Variants in EXOC4 observed in about 807,000 individuals in gnomAD.
The protein encoded by EXOC4 is SEC8-like 1.
Under a neutral mutation model 107.2 loss-of-function variants are expected in EXOC4, and 71 were observed. The ratio of observed to expected loss-of-function variants is 0.66; its 90% CI spans 0.55 to 0.81. The LOEUF is 0.81. Among genes scored for constraint, EXOC4 ranks in the 30% least tolerant of loss-of-function variants. The pLI is 0.00. For missense variants in EXOC4, 1,108 were observed against 1,189.6 expected (o/e 0.93, Z 1.01); for synonymous variants, 456 against 441.2 (o/e 1.03, Z -0.42).
At chr7:133,364,220 C>T (rs1340492877) in intron 6 of EXOC4, among the ~76,000 whole-genome samples, 1 of 151,872 alleles carries the variant, frequency 6.6e-6, no homozygotes, top group Non-Finnish European at 1.5e-5. Context: ...CCTTGACCCC[C>T]CCTGGGCTCA....
intron 11 of EXOC4, among the ~76,000 whole-genome samples, chr7:133,820,933 A>G (rs1797506492): frequency 1.3e-5 from 2 of 152,212 alleles, no homozygotes; most frequent in African/African-American, 2.4e-5. Flanking sequence ...ATGGGTGCCA[A>G]CATGTGTTCT....
intron 8 of EXOC4, among the ~76,000 whole-genome samples, chr7:133,477,673 G>A (rs1799050555): frequency 6.6e-6 from 1 of 152,198 alleles, no homozygotes; most frequent in Non-Finnish European, 1.5e-5. Flanking sequence ...ATACCTGGGA[G>A]CAACATTACT....
intron 11 of EXOC4, among the ~76,000 whole-genome samples, chr7:133,826,404 A>G (rs921375318): frequency 6.6e-6 from 1 of 152,212 alleles, no homozygotes; most frequent in African/African-American, 2.4e-5. Context: ...TATAAAACAT[A>G]GATTTGGTCT....
chr7:133,445,547 G>A (rs1309284606), intron 7 of EXOC4, among the ~76,000 whole-genome samples: 2 of 152,080 alleles, frequency 1.3e-5, no homozygotes, highest in Non-Finnish European at 2.9e-5. Flanking sequence ...TTCATCTTGG[G>A]AAGTTACAAA....
chr7:133,416,698 A>C (rs988607711), intron 7 of EXOC4, among the ~76,000 whole-genome samples: 1 of 152,168 alleles, frequency 6.6e-6, no homozygotes, highest in African/African-American at 2.4e-5. Context: ...CAGATATTTG[A>C]GAAGAAATAA....
chr7:133,327,568 GGCATTTAGTGCTA>G (rs1357536016), intron 5 of EXOC4, among the ~76,000 whole-genome samples: 1 of 151,928 alleles, frequency 6.6e-6, no homozygotes, highest in African/African-American at 2.4e-5. Flanking sequence ...TTCTCTTGTG[GGCATTTAGTGCTA>G]TAAATTTCCC....
rs202140675 is a variant in EXOC4, at chr7:133,349,849, T to TG, written c.764-6473dup. On this transcript the variant is annotated intron_variant, in intron 5 of 17. Transcript: ENST00000253861. ...ACTCTTGCTATTTCCTGTTTTTTTT[T>TG]GGGGGGGGTGATATTAATAGTAGCC... 5.2e-3 allele frequency among the ~76,000 whole-genome samples: 793 copies of TG among 151,542 alleles called. 8 individuals are homozygous for TG. The highest frequency in any genetic ancestry group is 9.8e-3 in the African/African-American group (405 of 41,332).
At chr7:133,808,028 C>T (rs938033769) in intron 10 of EXOC4, among the ~76,000 whole-genome samples, 1 of 152,172 alleles carries the variant, frequency 6.6e-6, no homozygotes, top group Admixed American at 6.5e-5. Flanking sequence ...CTTTTCTCCT[C>T]TACTTCCAGA....
In EXOC4 at chr7:133,410,724, G is replaced by A. The variant is rs192523825; in HGVS notation, c.1182+35722G>A. On this transcript the variant is annotated intron_variant, in intron 7 of 17. Coordinates refer to ENST00000253861, the MANE Select transcript of EXOC4 (RefSeq NM_021807.4). ...AAAATGAAATTTATAACTCTCCTGCGCAGAAATACTGTTAGCTGTGAGTTT... is the reference window on the plus strand; with the variant it reads ...AAAATGAAATTTATAACTCTCCTGCACAGAAATACTGTTAGCTGTGAGTTT... 4.2e-3 allele frequency among the ~76,000 whole-genome samples: 641 copies of A among 152,192 alleles called. 2 individuals are homozygous for A. The highest frequency in any genetic ancestry group is 7.3e-3 in the Non-Finnish European group (494 of 68,008).
intron 9 of EXOC4, among the ~76,000 whole-genome samples, chr7:133,599,829 C>T (rs1004874112): frequency 6.6e-6 from 1 of 151,258 alleles, no homozygotes; most frequent in Non-Finnish European, 1.5e-5. Context: ...GACATTATTA[C>T]TCCAAAATAT....
chr7:134,024,105 C>T (rs1398876576), intron 17 of EXOC4, among the ~76,000 whole-genome samples: 6 of 152,146 alleles, frequency 3.9e-5, no homozygotes, highest in African/African-American at 1.4e-4. Context: ...CAGTAGAGCT[C>T]CTACCTAGGG....
chr7:134,012,101 G>T (rs1794782300), intron 17 of EXOC4, among the ~76,000 whole-genome samples: 1 of 152,198 alleles, frequency 6.6e-6, no homozygotes, highest in African/African-American at 2.4e-5. Flanking sequence ...GATCTAAGGA[G>T]CTGAGATCTG....
intron 10 of EXOC4, among the ~76,000 whole-genome samples, chr7:133,646,582 T>C (rs1802997577): frequency 6.6e-6 from 1 of 152,214 alleles, no homozygotes; most frequent in African/African-American, 2.4e-5. Context: ...CTGGGAATTA[T>C]CCACATGTGT....
intron 9 of EXOC4, among the ~76,000 whole-genome samples, chr7:133,487,920 A>G (rs967041394): frequency 1.4e-4 from 22 of 152,228 alleles, no homozygotes; most frequent in African/African-American, 5.1e-4. Context: ...AAGAAAGTAT[A>G]TTTTTGGCTA....
At chr7:133,486,415 C>T (rs900450473) in intron 9 of EXOC4, among the ~76,000 whole-genome samples, 6 of 152,092 alleles carry the variant, frequency 3.9e-5, no homozygotes, top group Non-Finnish European at 8.8e-5. Context: ...CTTTTGCACA[C>T]ATTTTCAGGG....
At chr7:133,929,553 G>C (rs901193463) in intron 13 of EXOC4, among the ~76,000 whole-genome samples, 14 of 151,906 alleles carry the variant, frequency 9.2e-5, no homozygotes, top group Admixed American at 3.3e-4. Flanking sequence ...CTTCTTTATA[G>C]TATCTCTGTT....
chr7:133,755,240 T>C lies in EXOC4; in HGVS notation c.1515-62085T>C, dbSNP rs1319739208. Among the ~76,000 whole-genome samples the C allele has an allele frequency of 3.9e-5, 4 of 103,522 alleles. No individual in the cohort carries two copies. The East Asian group carries it at 9.2e-4, about 24-fold the overall frequency. 67.9% of individuals were successfully genotyped at this position (103,522 alleles called of 152,430 possible). Reference sequence around the variant, plus strand: ...TGTGTGTGTATATATATATAATATATATAATATATATATTATATATATATT... The same window carrying C: ...TGTGTGTGTATATATATATAATATACATAATATATATATTATATATATATT... On this transcript the variant is annotated intron_variant, in intron 10 of 17. Transcript: ENST00000253861.
chr7:133,867,385 C>T (rs190531588), intron 11 of EXOC4, among the ~76,000 whole-genome samples: 77 of 152,312 alleles, frequency 5.1e-4, no homozygotes, highest in Non-Finnish European at 9.3e-4. Context: ...AGTTTGTTCT[C>T]ATTACCATTA....
intron 10 of EXOC4, among the ~76,000 whole-genome samples, chr7:133,752,247 G>T (rs542885738): frequency 2.0e-5 from 3 of 152,210 alleles, no homozygotes; most frequent in Non-Finnish European, 4.4e-5. Context: ...ATGTTTCTCA[G>T]CACTTAAGAA....
Sources: allele counts gnomAD v4.1 joint callset (sites outside exome capture counted in the v4.1 genomes callset), GRCh38; gene constraint gnomAD v4.1.1; transcripts MANE v1.5; gene names NCBI Gene and HGNC (gene_info 2026-07-23, HGNC 2026-07-21).